SNRK: variants seen among roughly 807,000 people sequenced by gnomAD.
SNRK encodes the protein SNF related kinase.
Under a neutral mutation model 48.2 loss-of-function variants are expected in SNRK, and 3 were observed. The ratio of observed to expected loss-of-function variants is 0.06; its 90% confidence interval spans 0.03 to 0.16. The LOEUF is 0.16. SNRK is among the 10% of genes least tolerant of loss of function. The pLI is 1.00. For synonymous variants in SNRK, 376 were observed against 366.1 expected, an observed-to-expected ratio of 1.03 and a Z score of -0.31; for missense variants, 627 against 976.0, an observed-to-expected ratio of 0.64 and a Z score of 4.76.
chr3:43,288,075 T>C (rs2090780015), intron 1 of SNRK, among the ~76,000 whole-genome samples: 1 of 152,168 alleles, frequency 6.6e-6, no homozygotes, highest in Non-Finnish European at 1.5e-5. Context: ...GGAGAACAGG[T>C]GGACATTCCC....
chr3:43,346,948 A>C (rs2091281012), intron 6 of SNRK: 1 of 163,132 alleles, frequency 6.1e-6, no homozygotes, highest in Non-Finnish European at 1.3e-5. Context: ...ATTTGTAGTA[A>C]TATACCTTTA....
chr3:43,313,799 G>C (rs1559463338), intron 3 of SNRK, among the ~76,000 whole-genome samples: 1 of 152,116 alleles, frequency 6.6e-6, no homozygotes, highest in East Asian at 1.9e-4. Context: ...AAGAATACAT[G>C]AAACTTACCT....
At chr3:43,338,963 C>G (rs974057367) in intron 4 of SNRK, among the ~76,000 whole-genome samples, 2 of 152,152 alleles carry the variant, frequency 1.3e-5, no homozygotes, top group Non-Finnish European at 2.9e-5. Context: ...ATTTCAGTAT[C>G]TGAAGTATTC....
intron 3 of SNRK, among the ~76,000 whole-genome samples, chr3:43,318,489 A>T (rs1391073838): frequency 1.3e-5 from 2 of 152,128 alleles, no homozygotes; most frequent in Admixed American, 6.5e-5. Context: ...ATCAACTTAC[A>T]TTCACCTTAG....
chr3:43,312,930 CAT>C (rs777155414), intron 3 of SNRK, among the ~76,000 whole-genome samples: 18 of 152,252 alleles, frequency 1.2e-4, no homozygotes, highest in African/African-American at 3.1e-4. Flanking sequence ...AATGGAGAGA[CAT>C]GTGTTCATGA....
intron 3 of SNRK, among the ~76,000 whole-genome samples, chr3:43,325,555 A>G (rs909925386): frequency 3.9e-5 from 6 of 152,166 alleles, no homozygotes; most frequent in Admixed American, 3.9e-4. Context: ...GGACACTCCA[A>G]ATTTATAAAA....
chr3:43,290,549 C>A (rs757074792), intron 1 of SNRK, among the ~76,000 whole-genome samples: 28 of 152,216 alleles, frequency 1.8e-4, no homozygotes, highest in Middle Eastern at 3.2e-3. Flanking sequence ...TCCACAACAT[C>A]CTTATCATCA....
intron 6 of SNRK, among the ~76,000 whole-genome samples, chr3:43,346,614 G>A (rs190089509): frequency 1.5e-3 from 225 of 152,266 alleles, no homozygotes; most frequent in African/African-American, 5.1e-3. Context: ...GGTGGTGTGC[G>A]CCTATAGTCC....
intron 5 of SNRK, among the ~76,000 whole-genome samples, chr3:43,342,484 C>T (rs904871550): frequency 6.6e-6 from 1 of 152,220 alleles, no homozygotes; most frequent in Non-Finnish European, 1.5e-5. Flanking sequence ...CTCAGCCTGC[C>T]CTGCCCCCAT....
rs547194746 is a variant in SNRK at position 43,348,741 on chromosome 3, T to C, written c.*184T>C. 2.7e-5 allele frequency: 14 copies of C among 527,906 alleles called. No homozygotes were observed. The East Asian group carries it at 4.8e-4, about 18-fold the overall frequency. The allele number at this position is 527,906 out of a possible 1,614,324, so 32.7% of individuals were successfully genotyped here. A position where few individuals can be genotyped will look rare whatever the true frequency, so the allele number is the denominator to read the frequency against. ...CTTTGTGCATGCTGCTAGACACTTTTCTTTCCCAGCCGAAAAGCCTATTAT... is the reference window on the plus strand; with the variant it reads ...CTTTGTGCATGCTGCTAGACACTTTCCTTTCCCAGCCGAAAAGCCTATTAT... On this transcript the variant is annotated 3_prime_UTR_variant, in exon 7 of 7. Coordinates refer to ENST00000296088, the MANE Select transcript of SNRK (RefSeq NM_017719.5).
At chr3:43,329,124 T>G (rs191735768) in intron 3 of SNRK, among the ~76,000 whole-genome samples, 2 of 152,298 alleles carry the variant, frequency 1.3e-5, no homozygotes, top group East Asian at 3.9e-4. Context: ...TTTATCTCTT[T>G]CCTTTGGCCC....
In SNRK at chr3:43,347,448, A is replaced by G. The variant is rs1320071461; in HGVS notation, c.1189A>G (p.Ser397Gly). The G allele has an allele frequency of 9.3e-6, 15 of 1,614,034 alleles. No individual in the cohort carries two copies. Among genetic ancestry groups the G allele is most frequent in the Non-Finnish European group, 1.2e-5 (14 of 1,180,012 alleles). The change falls in exon 7 of 7, where the codon AGT (serine) becomes GGT (glycine). Residue 397 changes from serine to glycine, a missense_variant. Coordinates refer to ENST00000296088, the MANE Select transcript of SNRK (RefSeq NM_017719.5). This position sits in a 1 kb window ranked among gnomAD's most constrained non-coding sequence, Gnocchi z 5.4. Reference sequence around the variant, plus strand: ...TCAGTCTCCTGCTCGGGCTGCTGACAGTGTCCTCAATGGCCACAGGAGCAA... The same window carrying G: ...TCAGTCTCCTGCTCGGGCTGCTGACGGTGTCCTCAATGGCCACAGGAGCAA... ...VPQSPARAAD[S>G]VLNGHRSKGL... is the part of the protein sequence containing the mutation.
chr3:43,313,261 A>G (rs2090991712), intron 3 of SNRK, among the ~76,000 whole-genome samples: 1 of 152,198 alleles, frequency 6.6e-6, no homozygotes, highest in Non-Finnish European at 1.5e-5. Context: ...AAATCTGTAC[A>G]TGGATGTTCA....
chr3:43,336,419 A>G (rs1340238085), intron 4 of SNRK, among the ~76,000 whole-genome samples: 2 of 151,496 alleles, frequency 1.3e-5, no homozygotes, highest in Non-Finnish European at 2.9e-5. Flanking sequence ...GCAGCCTTCA[A>G]CTCCTGGGCT....
intron 3 of SNRK, among the ~76,000 whole-genome samples, chr3:43,329,509 GGA>G (rs1276292218): frequency 1.3e-5 from 2 of 152,046 alleles, no homozygotes; most frequent in East Asian, 3.8e-4. Flanking sequence ...TGCCTCAGTG[GGA>G]GAGTCATTTG....
At chr3:43,338,270 A>C (rs2125643837) in intron 4 of SNRK, among the ~76,000 whole-genome samples, 1 of 152,358 alleles carries the variant, frequency 6.6e-6, no homozygotes, top group Admixed American at 6.5e-5. Flanking sequence ...TTGGATGAGC[A>C]TATGTTGGTG....
chr3:43,337,437 C>T (rs1435138676), intron 4 of SNRK, among the ~76,000 whole-genome samples: 3 of 151,780 alleles, frequency 2.0e-5, no homozygotes, highest in African/African-American at 4.8e-5. Context: ...TGGAGGGTGT[C>T]GGGGGAATGG....
chr3:43,299,247 G>C (rs764879692), intron 1 of SNRK, among the ~76,000 whole-genome samples: 1 of 152,114 alleles, frequency 6.6e-6, no homozygotes, highest in African/African-American at 2.4e-5. Flanking sequence ...GCGCCATCTC[G>C]GCTCATTGCA....
Position 43,340,557 on chromosome 3 carries a change from C to G in SNRK, c.944+58C>G, listed in dbSNP as rs900759581. ...AGGTTTAGGATTCTTGGAATGGGCT[C>G]TCTCTACTTAACACAGCCTTTGGAC... On this transcript the variant is annotated intron_variant, in intron 5 of 6. Coordinates refer to ENST00000296088, the MANE Select transcript of SNRK (RefSeq NM_017719.5). The G allele has an allele frequency of 8.2e-6, 12 of 1,467,250 alleles. No individual in the cohort carries two copies. The African/African-American group carries it at 1.7e-4, about 20-fold the overall frequency. 90.9% of individuals were successfully genotyped at this position (1,467,250 alleles called of 1,614,324 possible).
Sources: gnomAD v4.1 joint callset for allele counts (sites outside exome capture counted in the v4.1 genomes callset) on GRCh38, gnomAD v4.1.1 for gene constraint, Gnocchi (gnomAD v3.1) non-coding constraint, MANE v1.5 for transcripts, NCBI Gene and HGNC (gene_info 2026-07-23, HGNC 2026-07-21) for gene names.